The following FSHR variants were observed in gnomAD, a reference collection of about 807,000 sequenced individuals.
The protein encoded by FSHR is follicle-stimulating hormone receptor.
In FSHR, 46 loss-of-function variants were observed where a neutral mutation model predicts 52.1. The ratio of observed to expected loss-of-function variants is 0.88; its 90% CI spans 0.70 to 1.13. FSHR has a LOEUF of 1.13. Among genes scored for constraint, FSHR ranks in the 50% most tolerant of loss-of-function variants. The pLI, the probability that FSHR is intolerant of heterozygous loss-of-function variation, is 0.00. For synonymous variants in FSHR, 399 were observed against 309.6 expected, an observed-to-expected ratio of 1.29 and a Z score of -3.03; for missense variants, 964 against 834.6, an observed-to-expected ratio of 1.16 and a Z score of -1.91.
chr2:49,123,891 A>C (rs1671907065), intron 1 of FSHR, among the ~76,000 whole-genome samples: 1 of 152,186 alleles, frequency 6.6e-6, no homozygotes, highest in African/African-American at 2.4e-5. Context: ...ATGTGGCTTA[A>C]GTCTGTAGCT....
At chr2:49,028,158 A>C (rs1667975354) in intron 2 of FSHR, among the ~76,000 whole-genome samples, 1 of 152,234 alleles carries the variant, frequency 6.6e-6, no homozygotes, top group Non-Finnish European at 1.5e-5. Context: ...CAGGGACAGT[A>C]AAGTGGCCAT....
At chr2:49,057,195 A>T (rs1211345373) in intron 2 of FSHR, among the ~76,000 whole-genome samples, 3 of 152,240 alleles carry the variant, frequency 2.0e-5, no homozygotes, top group Admixed American at 2.0e-4. Context: ...ATTAACACTA[A>T]AATAATAACA....
intron 1 of FSHR, among the ~76,000 whole-genome samples, chr2:49,119,319 G>A (rs1324220048): frequency 1.3e-5 from 2 of 152,060 alleles, no homozygotes; most frequent in Admixed American, 1.3e-4. Context: ...TTGGTAAGCA[G>A]TGTTCGATAG....
intron 2 of FSHR, among the ~76,000 whole-genome samples, chr2:49,050,677 A>C (rs543139831): frequency 1.3e-4 from 20 of 152,296 alleles, no homozygotes; most frequent in African/African-American, 3.4e-4. Flanking sequence ...CTGTCTATAC[A>C]GTGTGAGTTA....
chr2:49,124,726 CT>C (rs1399006785), intron 1 of FSHR, among the ~76,000 whole-genome samples: 2 of 152,182 alleles, frequency 1.3e-5, no homozygotes, highest in Non-Finnish European at 2.9e-5. Flanking sequence ...CCATCAACTC[CT>C]CTCAAATGGA....
intron 4 of FSHR, among the ~76,000 whole-genome samples, chr2:49,007,169 A>G (rs72875984): frequency 0.019 from 2,834 of 152,232 alleles, 99 homozygotes; most frequent in African/African-American, 0.064. Context: ...GAGCCCAAGT[A>G]TGGCTCTTTT....
chr2:48,968,921 G>A (rs1674606143), intron 8 of FSHR, 38 bp from the exon 9 acceptor site: 1 of 1,590,674 alleles, frequency 6.3e-7, no homozygotes. Context: ...GGATTACTAT[G>A]GACCTAAAAC....
chr2:49,139,222 C>T (rs1039735703), intron 1 of FSHR, among the ~76,000 whole-genome samples: 1 of 152,168 alleles, frequency 6.6e-6, no homozygotes, highest in African/African-American at 2.4e-5. Flanking sequence ...ATTTTGGTGT[C>T]TACCATCTAT....
intron 1 of FSHR, among the ~76,000 whole-genome samples, chr2:49,129,767 A>T (rs1168848701): frequency 6.6e-6 from 1 of 152,238 alleles, no homozygotes; most frequent in African/African-American, 2.4e-5. Flanking sequence ...TAGTTTATAT[A>T]GTATTCTCAT....
chr2:48,965,319 G>A (rs140086703), intron 9 of FSHR, among the ~76,000 whole-genome samples: 1 of 152,314 alleles, frequency 6.6e-6, no homozygotes, highest in East Asian at 1.9e-4. Flanking sequence ...CCCCTGGGAA[G>A]TGAATTGAAT....
At chr2:49,003,820 GAC>G (rs1666990314) in intron 4 of FSHR, among the ~76,000 whole-genome samples, 2 of 148,466 alleles carry the variant, frequency 1.3e-5, no homozygotes, top group South Asian at 4.4e-4. Flanking sequence ...TCACTTGAGT[GAC>G]ACTCTCCCTT....
intron 1 of FSHR, among the ~76,000 whole-genome samples, chr2:49,085,205 A>G (rs796972832): frequency 1.5e-4 from 23 of 152,364 alleles, no homozygotes; most frequent in African/African-American, 5.1e-4. Context: ...GCAAATCAAT[A>G]AATGTAATCC....
chr2:49,010,314 A>T (rs1667221967), intron 4 of FSHR, among the ~76,000 whole-genome samples: 2 of 146,108 alleles, frequency 1.4e-5, no homozygotes, highest in Non-Finnish European at 3.0e-5. Flanking sequence ...GGCTCTGTTT[A>T]TATGCTGGAT....
chr2:49,035,097 C>T (rs1212618147), intron 2 of FSHR, among the ~76,000 whole-genome samples: 1 of 152,198 alleles, frequency 6.6e-6, no homozygotes, highest in South Asian at 2.1e-4. Context: ...AAGCATCAAG[C>T]CTGGTCTTTA....
intron 2 of FSHR, among the ~76,000 whole-genome samples, chr2:49,040,589 A>T (rs1017839000): frequency 6.6e-6 from 1 of 152,178 alleles, no homozygotes; most frequent in Non-Finnish European, 1.5e-5. Context: ...TAAATGTGAA[A>T]TGGTTGTCTA....
intron 1 of FSHR, among the ~76,000 whole-genome samples, chr2:49,078,345 C>T (rs566842782): frequency 4.6e-5 from 7 of 152,224 alleles, no homozygotes; most frequent in Middle Eastern, 6.8e-3. Context: ...AAAGACCTGC[C>T]CTCATGATTC....
chr2:49,096,109 C>T (rs1340717398), intron 1 of FSHR, among the ~76,000 whole-genome samples: 1 of 152,152 alleles, frequency 6.6e-6, no homozygotes. Context: ...AGAAATACTA[C>T]TCATATGTAT....
At chr2:48,981,411 C>T (rs1257408518) in intron 8 of FSHR, among the ~76,000 whole-genome samples, 8 of 152,042 alleles carry the variant, frequency 5.3e-5, no homozygotes, top group Non-Finnish European at 8.8e-5. Context: ...GTGTTTTATG[C>T]TTCAAATAAT....
At chr2:48,990,944 G>A (rs187272772) in intron 4 of FSHR, among the ~76,000 whole-genome samples, 285 of 150,946 alleles carry the variant, frequency 1.9e-3, no homozygotes, top group African/African-American at 6.3e-3. Flanking sequence ...CTTCCAACTA[G>A]TAACAAAAGT....
Sources: allele counts gnomAD v4.1 joint callset (sites outside exome capture counted in the v4.1 genomes callset), GRCh38; gene constraint gnomAD v4.1.1; transcripts MANE v1.5; gene names NCBI Gene and HGNC (gene_info 2026-07-23, HGNC 2026-07-21).